The following RBFOX1 variants were observed in gnomAD, a reference collection of about 807,000 sequenced individuals.
The protein encoded by RBFOX1 is RNA binding protein fox-1 homolog 1.
Under a neutral mutation model 57.7 loss-of-function variants are expected in RBFOX1, and 8 were observed. The observed-to-expected ratio is 0.14, with a 90% CI of 0.08 to 0.25. RBFOX1 has a LOEUF of 0.25. RBFOX1 is among the 10% of genes least tolerant of loss of function. RBFOX1 has a pLI of 1.00. For missense variants in RBFOX1, 611 were observed against 548.5 expected (o/e 1.11, Z -1.14); for synonymous variants, 326 against 222.4 (o/e 1.47, Z -4.15).
chr16:5,814,790 G>A (rs1002908301), intron 3 of RBFOX1, among the ~76,000 whole-genome samples: 4 of 152,248 alleles, frequency 2.6e-5, no homozygotes, highest in East Asian at 1.9e-4. Context: ...TTAGCCAGGC[G>A]CGGTGGAGGG....
At chr16:7,230,672 C>A (rs907687659) in intron 4 of RBFOX1, among the ~76,000 whole-genome samples, 13 of 152,176 alleles carry the variant, frequency 8.5e-5, no homozygotes, top group Non-Finnish European at 1.9e-4. Flanking sequence ...AGTTGAGATA[C>A]TAAATATAGA....
intron 4 of RBFOX1, among the ~76,000 whole-genome samples, chr16:7,207,817 G>A (rs541578558): frequency 3.9e-5 from 6 of 152,258 alleles, no homozygotes; most frequent in African/African-American, 1.2e-4. Flanking sequence ...GAACGAGCAG[G>A]CCACCATCTA....
rs776623035 is a variant in RBFOX1, at chr16:5,856,604, T to TATATAA, written c.319-10698_319-10697insTATAAA. ...ATATATATATATATATATATATATA[T>TATATAA]AATCTTAGCCAGATCTTCTGGATAA... On this transcript the variant is annotated intron_variant, in intron 3 of 19. Coordinates refer to the RBFOX1 transcript ENST00000641259. Among the ~76,000 whole-genome samples, 441 of 67,702 alleles carry TATATAA rather than the reference T, an allele frequency of 6.5e-3. 33 individuals carry two copies. The highest frequency in any genetic ancestry group is 0.01 in the African/African-American group (207 of 20,676). The allele number at this position is 67,702 out of a possible 152,430, so 44.4% of individuals were successfully genotyped here.
In RBFOX1 at chr16:6,105,285, C is replaced by G. The variant is rs868230559; in HGVS notation, c.-127+85293C>G. Among the ~76,000 whole-genome samples the G allele has an allele frequency of 1.2e-3, 185 of 152,252 alleles. 2 individuals are homozygous for G. Among genetic ancestry groups the G allele is most frequent in the African/African-American group, 4.3e-3 (180 of 41,548 alleles). ...GTTTAAGCTGATCATTTGTTTTAAA[C>G]GTAATCCATTTGTAACGCATGATTC... On this transcript the variant is annotated intron_variant, in intron 1 of 15. Transcript: ENST00000550418.
chr16:6,283,398 G>A (rs1196371728), intron 1 of RBFOX1, among the ~76,000 whole-genome samples: 1 of 152,034 alleles, frequency 6.6e-6, no homozygotes. Flanking sequence ...TACAGTGAAT[G>A]GGCTAAATTT....
intron 3 of RBFOX1, among the ~76,000 whole-genome samples, chr16:6,993,869 C>T (rs536685313): frequency 5.9e-5 from 9 of 152,114 alleles, no homozygotes; most frequent in African/African-American, 1.4e-4. Context: ...ACCTCTTCCC[C>T]GAACGTCTCT....
chr16:6,656,447 C>G (rs768733308), intron 3 of RBFOX1, among the ~76,000 whole-genome samples: 10 of 152,122 alleles, frequency 6.6e-5, no homozygotes, highest in Non-Finnish European at 1.5e-4. Flanking sequence ...AAGCTCCACT[C>G]CACCTATGTG....
At chr16:6,915,641 C>G (rs370462884) in intron 3 of RBFOX1, among the ~76,000 whole-genome samples, 3 of 150,546 alleles carry the variant, frequency 2.0e-5, no homozygotes, top group South Asian at 4.2e-4. Context: ...ACCTCTGCCT[C>G]TCGGGTTCAA....
intron 5 of RBFOX1, among the ~76,000 whole-genome samples, chr16:7,542,532 G>T (rs567078591): frequency 6.6e-6 from 1 of 151,908 alleles, no homozygotes; most frequent in East Asian, 1.9e-4. Context: ...CGAAGGAAGG[G>T]GAAAGAGAAA....
rs1230576283 is a variant in RBFOX1 at position 7,504,787 on chromosome 16, T to TTA, written c.28-13346_28-13345dup. On this transcript the variant is annotated intron_variant, in intron 4 of 15. Transcript: ENST00000550418. The stretch of plus-strand genomic sequence containing the variant: ...TATATATATTTATATATATATATAT[T>TTA]TATATATATATATATTTATATATAT... 6.7e-3 allele frequency among the ~76,000 whole-genome samples: 62 copies of TTA among 9,294 alleles called. 10 individuals are homozygous for TTA. Among genetic ancestry groups the TTA allele is most frequent in the African/African-American group, 0.021 (57 of 2,672 alleles). The allele number at this position is 9,294 out of a possible 152,430, so 6.1% of individuals were successfully genotyped here.
chr16:6,908,096 C>T (rs1567824790), intron 3 of RBFOX1, among the ~76,000 whole-genome samples: 1 of 151,794 alleles, frequency 6.6e-6, no homozygotes, highest in Non-Finnish European at 1.5e-5. Flanking sequence ...GTCACATTCA[C>T]AGCTACTGGG....
intron 3 of RBFOX1, among the ~76,000 whole-genome samples, chr16:6,673,085 A>G (rs182845067): frequency 4.0e-4 from 61 of 152,314 alleles, no homozygotes; most frequent in African/African-American, 1.4e-3. Flanking sequence ...TGGAATAGAG[A>G]TTGGTCACGT....
chr16:7,462,340 C>T (rs2059733716), intron 4 of RBFOX1, among the ~76,000 whole-genome samples: 1 of 152,144 alleles, frequency 6.6e-6, no homozygotes, highest in African/African-American at 2.4e-5. Flanking sequence ...ACTAAAAACA[C>T]AAAAATTTGC....
chr16:5,279,320 C>T (rs1269003245), intron 1 of RBFOX1, among the ~76,000 whole-genome samples: 2 of 151,538 alleles, frequency 1.3e-5, no homozygotes, highest in African/African-American at 2.4e-5. Flanking sequence ...TTTGTTTTCC[C>T]ATCCTTGGGT....
intron 3 of RBFOX1, among the ~76,000 whole-genome samples, chr16:6,737,119 T>C (rs1314841482): frequency 6.6e-6 from 1 of 152,190 alleles, no homozygotes; most frequent in African/African-American, 2.4e-5. Flanking sequence ...CCTGCCTTCA[T>C]TGGGTTTACA....
intron 3 of RBFOX1, among the ~76,000 whole-genome samples, chr16:6,952,458 G>A (rs1211742677): frequency 6.6e-6 from 1 of 151,894 alleles, no homozygotes. Context: ...ACCAGCCTGG[G>A]CCACGTATTA....
At chr16:6,491,423 G>C (rs890307482) in intron 2 of RBFOX1, among the ~76,000 whole-genome samples, 2 of 152,058 alleles carry the variant, frequency 1.3e-5, no homozygotes, top group African/African-American at 4.8e-5. Context: ...GCCCAGTCTT[G>C]ATTGTGAAAT....
intron 3 of RBFOX1, among the ~76,000 whole-genome samples, chr16:6,992,291 C>T (rs1339327311): frequency 1.3e-5 from 2 of 151,926 alleles, no homozygotes; most frequent in African/African-American, 2.4e-5. Flanking sequence ...AATCTCGGCT[C>T]ATTGCAGCCT....
chr16:6,719,111 C>T (rs2065420104), intron 3 of RBFOX1, among the ~76,000 whole-genome samples: 1 of 152,152 alleles, frequency 6.6e-6, no homozygotes, highest in Non-Finnish European at 1.5e-5. Flanking sequence ...AAGGGATTTA[C>T]TTGCCTTGAT....
Sources: allele counts gnomAD v4.1 joint callset (sites outside exome capture counted in the v4.1 genomes callset), GRCh38; gene constraint gnomAD v4.1.1; transcripts MANE v1.5; gene names NCBI Gene and HGNC (gene_info 2026-07-23, HGNC 2026-07-21).